ZFHX3: variants seen among roughly 807,000 people sequenced by gnomAD.
The protein encoded by ZFHX3 is zinc finger homeobox 3.
Under a neutral mutation model 279.1 loss-of-function variants are expected in ZFHX3, and 42 were observed. The observed-to-expected ratio is 0.15, with a 90% CI of 0.12 to 0.19. The LOEUF is 0.19. Among genes scored for constraint, ZFHX3 ranks in the 10% least tolerant of loss-of-function variants. The pLI is 1.00. For missense variants in ZFHX3, 4,981 were observed against 4,754.0 expected (o/e 1.05, Z -1.40); for synonymous variants, 2,293 against 1,957.8 (o/e 1.17, Z -4.52).
At chr16:72,983,565 G>T (rs1962704366) in intron 1 of ZFHX3, among the ~76,000 whole-genome samples, 1 of 152,132 alleles carries the variant, frequency 6.6e-6, no homozygotes, top group Non-Finnish European at 1.5e-5. Context: ...AAATTAGCTG[G>T]GAGTGGTGGC....
At chr16:73,849,541 G>A (rs942927300) in intron 1 of ZFHX3, among the ~76,000 whole-genome samples, 2 of 152,190 alleles carry the variant, frequency 1.3e-5, no homozygotes, top group Non-Finnish European at 2.9e-5. Context: ...AGGGCCTCCA[G>A]GTTGGGAATG....
intron 4 of ZFHX3, among the ~76,000 whole-genome samples, chr16:72,884,420 T>C (rs1183601326): frequency 1.3e-5 from 2 of 152,242 alleles, no homozygotes; most frequent in Non-Finnish European, 2.9e-5. Flanking sequence ...TTATTTCCAA[T>C]GCCTGAGCTG....
intron 7 of ZFHX3, among the ~76,000 whole-genome samples, chr16:73,122,868 TG>T (rs1416420990): frequency 1.3e-5 from 2 of 152,142 alleles, no homozygotes; most frequent in African/African-American, 4.8e-5. Flanking sequence ...AGGCTGGATG[TG>T]GTCGGCCGCT....
intron 3 of ZFHX3, among the ~76,000 whole-genome samples, chr16:72,921,722 G>C (rs1003752014): frequency 3.3e-5 from 5 of 152,202 alleles, no homozygotes; most frequent in Non-Finnish European, 7.3e-5. Flanking sequence ...AGAGAGAAAA[G>C]GGGGCAGTGC....
chr16:73,024,872 C>T (rs559533403), intron 1 of ZFHX3, among the ~76,000 whole-genome samples: 2 of 152,192 alleles, frequency 1.3e-5, no homozygotes, highest in African/African-American at 2.4e-5. Context: ...TCAGCGGCTA[C>T]ATGTCCCCCA....
At position 73,356,001 on chromosome 16, in the gene ZFHX3, C is replaced by A. The variant is rs535350052; in HGVS notation, c.-1290-37665G>T. Among the ~76,000 whole-genome samples the A allele has an allele frequency of 2.6e-5, 4 of 152,296 alleles. No homozygotes were observed. In the East Asian group the frequency reaches 5.8e-4, roughly 22 times the overall value. On this transcript the variant is annotated intron_variant, in intron 3 of 17. Coordinates refer to the ZFHX3 transcript ENST00000641206. ...CACATTCACGCTGCCTCTCCAGCAA[C>A]CTTTCCACTGTACACTTTCCATTCT...
At chr16:73,688,736 C>T (rs989436870) in intron 1 of ZFHX3, among the ~76,000 whole-genome samples, 2 of 152,156 alleles carry the variant, frequency 1.3e-5, no homozygotes, top group African/African-American at 2.4e-5. Context: ...GAATTGCAGC[C>T]CCCATAATTC....
intron 1 of ZFHX3, among the ~76,000 whole-genome samples, chr16:73,725,719 A>G (rs1022330240): frequency 4.6e-5 from 7 of 152,176 alleles, no homozygotes; most frequent in Non-Finnish European, 8.8e-5. Context: ...TTAGAACAAC[A>G]TTAAGCACAT....
intron 3 of ZFHX3, among the ~76,000 whole-genome samples, chr16:72,901,596 G>A (rs897638875): frequency 3.3e-5 from 5 of 152,166 alleles, no homozygotes; most frequent in African/African-American, 4.8e-5. Flanking sequence ...CACTTCTGGC[G>A]TCGATCACTC....
chr16:73,280,208 G>T (rs1055375359), intron 4 of ZFHX3, among the ~76,000 whole-genome samples: 3 of 152,098 alleles, frequency 2.0e-5, no homozygotes, highest in African/African-American at 2.4e-5. Flanking sequence ...GATATTGGAT[G>T]TAACACCAAA....
chr16:72,798,774 G>A, intron 8 of ZFHX3, 60 bp from the exon 9 acceptor site: 2 of 1,500,178 alleles, frequency 1.3e-6, no homozygotes, highest in Non-Finnish European at 1.8e-6. Flanking sequence ...TTCAAGGATG[G>A]CACCCAGAGC....
rs1477827438 is a variant in ZFHX3, at chr16:72,794,783, T to A, written c.7899A>T (p.Thr2633=). 1 of 1,614,128 alleles carries A rather than the reference T, an allele frequency of 6.2e-7. No individual in the cohort carries two copies. The highest frequency in any genetic ancestry group is 1.3e-5 in the African/African-American group (1 of 74,950). Residue 2633 remains threonine, a synonymous_variant, in exon 9 of 10, where the codon ACA becomes ACT. Coordinates refer to ENST00000268489, the MANE Select transcript of ZFHX3 (RefSeq NM_006885.4). This position sits in a 1 kb window ranked among gnomAD's most constrained non-coding sequence, Gnocchi z 4.2. ...TGTCTCTCTGAGGCTCTTCTCCTCC[T>A]GTCCCACTGTCGTTTTCGCCAGGGC... The part of the protein sequence containing the change: ...SASPGENDSG[T]GGEEPQRDKR...
chr16:73,735,891 G>A (rs370246255), intron 1 of ZFHX3, among the ~76,000 whole-genome samples: 2 of 14,586 alleles, frequency 1.4e-4, no homozygotes, highest in South Asian at 4.7e-3. Context: ...CAGCCATTCC[G>A]TTTTTTTTTT....
intron 2 of ZFHX3, among the ~76,000 whole-genome samples, chr16:73,569,309 A>T (rs2051710177): frequency 6.6e-6 from 1 of 152,084 alleles, no homozygotes; most frequent in Admixed American, 6.5e-5. Context: ...TGATACGAAA[A>T]CAGAATGCAG....
chr16:72,989,659 A>G (rs1423566595), intron 1 of ZFHX3, among the ~76,000 whole-genome samples: 1 of 152,180 alleles, frequency 6.6e-6, no homozygotes, highest in Non-Finnish European at 1.5e-5. Flanking sequence ...GGCAGAAGGA[A>G]GAAATAAGTG....
At chr16:72,945,598 T>C (rs1960626416) in intron 3 of ZFHX3, among the ~76,000 whole-genome samples, 1 of 152,168 alleles carries the variant, frequency 6.6e-6, no homozygotes, top group Non-Finnish European at 1.5e-5. Flanking sequence ...AAAACATTCC[T>C]TTCCTTTCAT....
intron 1 of ZFHX3, among the ~76,000 whole-genome samples, chr16:73,781,542 G>A (rs1324964162): frequency 6.6e-6 from 1 of 152,158 alleles, no homozygotes; most frequent in Non-Finnish European, 1.5e-5. Flanking sequence ...GCAGAATTGA[G>A]TCATTACAAC....
At chr16:73,577,190 T>A (rs2051808925) in intron 2 of ZFHX3, among the ~76,000 whole-genome samples, 1 of 151,794 alleles carries the variant, frequency 6.6e-6, no homozygotes, top group Non-Finnish European at 1.5e-5. Flanking sequence ...GATGTCTTCT[T>A]AATGATAAAA....
intron 3 of ZFHX3, among the ~76,000 whole-genome samples, chr16:72,898,318 G>C (rs1233169645): frequency 6.6e-6 from 1 of 152,284 alleles, no homozygotes; most frequent in South Asian, 2.1e-4. Context: ...CATTTGGGTT[G>C]CTCTGACCTA....
Sources: gnomAD v4.1 joint callset for allele counts (sites outside exome capture counted in the v4.1 genomes callset) on GRCh38, gnomAD v4.1.1 for gene constraint, Gnocchi (gnomAD v3.1) non-coding constraint, MANE v1.5 for transcripts, NCBI Gene and HGNC (gene_info 2026-07-23, HGNC 2026-07-21) for gene names.